DGKB: variants seen among roughly 807,000 people sequenced by gnomAD.
The protein encoded by DGKB is 90 kDa diacylglycerol kinase.
DGKB carries 67 observed loss-of-function variants against 114.3 expected under a neutral mutation model. The ratio of observed to expected loss-of-function variants is 0.59; its 90% CI spans 0.48 to 0.72. The LOEUF (loss-of-function observed/expected upper bound fraction) is 0.72. Among genes scored for constraint, DGKB ranks in the 30% least tolerant of loss-of-function variants. The pLI is 0.00. For missense variants in DGKB, 907 were observed against 975.2 expected, an observed-to-expected ratio of 0.93 and a Z score of 0.93; for synonymous variants, 398 against 323.1, an observed-to-expected ratio of 1.23 and a Z score of -2.49.
intron 14 of DGKB, among the ~76,000 whole-genome samples, chr7:14,624,283 T>C (rs146604089): frequency 1.3e-5 from 2 of 152,314 alleles, no homozygotes; most frequent in African/African-American, 2.4e-5. Context: ...ATATAAAACA[T>C]GGCATCAATA....
intron 23 of DGKB, among the ~76,000 whole-genome samples, chr7:14,239,850 CTCTA>C (rs990124416): frequency 3.4e-4 from 51 of 152,136 alleles, no homozygotes; most frequent in Admixed American, 3.9e-4. Context: ...CTTATTAAGA[CTCTA>C]TCTATCTATT....
intron 13 of DGKB, among the ~76,000 whole-genome samples, chr7:14,657,529 A>G (rs1209663194): frequency 6.6e-6 from 1 of 151,952 alleles, no homozygotes; most frequent in African/African-American, 2.4e-5. Flanking sequence ...TTGCATAGGC[A>G]CAAACCTTTG....
At chr7:14,548,915 C>T (rs1400163658) in intron 20 of DGKB, among the ~76,000 whole-genome samples, 2 of 150,966 alleles carry the variant, frequency 1.3e-5, no homozygotes, top group East Asian at 1.9e-4. Context: ...TTGTGAAATG[C>T]TAAGATCAGT....
intron 5 of DGKB, among the ~76,000 whole-genome samples, chr7:14,729,133 T>TTTC (rs1040557535): frequency 4.1e-5 from 6 of 146,788 alleles, no homozygotes; most frequent in African/African-American, 1.5e-4. Flanking sequence ...CTTTTTTTTT[T>TTTC]TTTTTTTTTG....
intron 21 of DGKB, among the ~76,000 whole-genome samples, chr7:14,377,308 C>T (rs1215012358): frequency 6.6e-6 from 1 of 152,142 alleles, no homozygotes; most frequent in Non-Finnish European, 1.5e-5. Context: ...ACAATGGTTT[C>T]ATTAATTTAA....
chr7:14,914,894 G>A (rs1784165322), intron 1 of DGKB, among the ~76,000 whole-genome samples: 1 of 151,884 alleles, frequency 6.6e-6, no homozygotes, highest in Admixed American at 6.6e-5. Context: ...GATTTAAGAT[G>A]GTCTCATCCG....
At chr7:14,492,244 C>T (rs77305767) in intron 20 of DGKB, among the ~76,000 whole-genome samples, 2,489 of 151,768 alleles carry the variant, frequency 0.016, 33 homozygotes, top group Middle Eastern at 0.027. Context: ...TTCCTATGGG[C>T]AGTAGAGAAA....
chr7:14,763,062 T>A (rs112152682), intron 2 of DGKB, among the ~76,000 whole-genome samples: 4,160 of 152,224 alleles, frequency 0.027, 79 homozygotes, highest in Non-Finnish European at 0.039. Context: ...CAACAGTTAT[T>A]TTCTGTATCT....
rs371492516 is a variant in DGKB at position 14,885,840 on chromosome 7, AC to A, written c.-188+16751del. On this transcript the variant is annotated intron_variant, in intron 1 of 25. Coordinates refer to ENST00000402815, the MANE Select transcript of DGKB (RefSeq NM_001350709.2). ...AGTAAGTGCTAAAGTCAGGATTTAA[AC>A]CAAGTAGTTCTTAATCACTGTGCTA... is the stretch of plus-strand genomic sequence containing the variant. 2.3e-4 allele frequency among the ~76,000 whole-genome samples: 35 copies of A among 152,076 alleles called. No individual in the cohort carries two copies. In the South Asian group the frequency reaches 6.8e-3, roughly 30 times the overall value.
chr7:14,313,323 G>T (rs546528935), intron 23 of DGKB, among the ~76,000 whole-genome samples: 2 of 152,098 alleles, frequency 1.3e-5, no homozygotes, highest in East Asian at 3.9e-4. Flanking sequence ...CCTGAGCGAC[G>T]CAGAAGACGG....
intron 21 of DGKB, among the ~76,000 whole-genome samples, chr7:14,472,774 G>T (rs1427368899): frequency 6.6e-6 from 1 of 152,142 alleles, no homozygotes; most frequent in Non-Finnish European, 1.5e-5. Flanking sequence ...AACTGGTTGG[G>T]AACTGGAGCA....
rs76640104 is a variant in DGKB at position 14,213,211 on chromosome 7, T to C, written c.2123-35060A>G. ...TATCAATTTGATTCATTTTAATTAA[T>C]GCCCAAAATACCACAGTATATATAT... On this transcript the variant is annotated intron_variant, in intron 23 of 25. Transcript: ENST00000402815. Among the ~76,000 whole-genome samples, 1,057 of 152,248 alleles carry C rather than the reference T, an allele frequency of 6.9e-3. 7 individuals carry two copies. Among genetic ancestry groups the C allele is most frequent in the African/African-American group, 0.024 (985 of 41,564 alleles).
chr7:14,174,973 T>A (rs1042397621), intron 25 of DGKB, among the ~76,000 whole-genome samples: 2 of 152,194 alleles, frequency 1.3e-5, no homozygotes, highest in Admixed American at 1.3e-4. Flanking sequence ...GAAACAAAGA[T>A]GAAGTAATGT....
chr7:14,753,255 G>T (rs1381833867), intron 4 of DGKB, among the ~76,000 whole-genome samples: 2 of 152,160 alleles, frequency 1.3e-5, no homozygotes, highest in Admixed American at 6.5e-5. Context: ...ATTTTAGCAA[G>T]AAATATTTCT....
At chr7:14,792,505 T>A (rs1439530102) in intron 2 of DGKB, among the ~76,000 whole-genome samples, 1 of 152,058 alleles carries the variant, frequency 6.6e-6, no homozygotes. Flanking sequence ...CTCATCTGCT[T>A]TGGGCAAAAT....
intron 20 of DGKB, among the ~76,000 whole-genome samples, chr7:14,513,414 C>T (rs1394700682): frequency 6.6e-6 from 1 of 151,906 alleles, no homozygotes; most frequent in African/African-American, 2.4e-5. Context: ...TGCACTTTCT[C>T]ATCAAATTAA....
chr7:14,687,088 G>C (rs1821834777), intron 9 of DGKB, among the ~76,000 whole-genome samples: 1 of 151,994 alleles, frequency 6.6e-6, no homozygotes, highest in Non-Finnish European at 1.5e-5. Context: ...GTGATGCTGT[G>C]CACAATCATC....
intron 4 of DGKB, among the ~76,000 whole-genome samples, chr7:14,736,964 G>A (rs1831816031): frequency 6.6e-6 from 1 of 152,198 alleles, no homozygotes; most frequent in Non-Finnish European, 1.5e-5. Flanking sequence ...GATGAAGGCA[G>A]TGCACCAGGA....
intron 17 of DGKB, among the ~76,000 whole-genome samples, chr7:14,601,046 C>G (rs1803454140): frequency 6.6e-6 from 1 of 152,224 alleles, no homozygotes; most frequent in Admixed American, 6.5e-5. Context: ...TCAAGGACCT[C>G]TCCATCCTTT....
Sources: allele counts gnomAD v4.1 joint callset (sites outside exome capture counted in the v4.1 genomes callset), GRCh38; gene constraint gnomAD v4.1.1; transcripts MANE v1.5; gene names NCBI Gene and HGNC (gene_info 2026-07-23, HGNC 2026-07-21).